PTPRN2: variants seen among roughly 807,000 people sequenced by gnomAD.
PTPRN2 encodes receptor-type tyrosine-protein phosphatase N2.
A neutral mutation model predicts 118.8 loss-of-function variants in PTPRN2; 74 were observed. The observed-to-expected ratio is 0.62, with a 90% CI of 0.52 to 0.76. PTPRN2 has a LOEUF of 0.76. Ranked by LOEUF, PTPRN2 falls within the 30% of genes least tolerant of loss-of-function variation. The pLI is 0.00. For missense variants in PTPRN2, 1,481 were observed against 1,394.4 expected, an observed-to-expected ratio of 1.06 and a Z score of -0.99; for synonymous variants, 641 against 608.0, an observed-to-expected ratio of 1.05 and a Z score of -0.80.
At chr7:158,250,343 GGTTA>G (rs1483652285) in intron 3 of PTPRN2, among the ~76,000 whole-genome samples, 4 of 152,024 alleles carry the variant, frequency 2.6e-5, no homozygotes, top group African/African-American at 4.8e-5. Flanking sequence ...AATGCATATA[GGTTA>G]TTTATTGTTA....
intron 12 of PTPRN2, among the ~76,000 whole-genome samples, chr7:157,814,421 C>T (rs975337548): frequency 1.3e-5 from 2 of 151,532 alleles, no homozygotes; most frequent in African/African-American, 4.9e-5. Context: ...AGAACTGGCG[C>T]TCGACATGGG....
rs139965431 is a variant in PTPRN2 at position 157,780,168 on chromosome 7, T to C, written c.1789-97231A>G. On this transcript the variant is annotated intron_variant, in intron 12 of 22. Transcript: ENST00000389418. The surrounding 1 kb of genome is among the most constrained non-coding windows in gnomAD (Gnocchi z 4.5). ...ATGATCCCACCACGTATCTCTACTA[T>C]TAAAGAATTAGCCTCTGGGCCGTGT... is the stretch of plus-strand genomic sequence containing the variant. Among the ~76,000 whole-genome samples the C allele has an allele frequency of 2.2e-3, 341 of 152,300 alleles. 1 individual carries two copies. Among genetic ancestry groups the C allele is most frequent in the African/African-American group, 7.7e-3 (319 of 41,562 alleles).
At chr7:158,189,844 C>T (rs1366197213) in intron 5 of PTPRN2, among the ~76,000 whole-genome samples, 1 of 152,186 alleles carries the variant, frequency 6.6e-6, no homozygotes, top group Non-Finnish European at 1.5e-5. Context: ...CACAGCGGGG[C>T]AGAGGAGGAG....
intron 11 of PTPRN2, among the ~76,000 whole-genome samples, chr7:158,012,544 GC>G (rs1418377478): frequency 6.6e-6 from 1 of 152,206 alleles, no homozygotes; most frequent in African/African-American, 2.4e-5. Context: ...ATGGGCAGTG[GC>G]CCTGGACTGC....
At position 157,758,631 on chromosome 7, in the gene PTPRN2, G is replaced by A. The variant is rs528405239; in HGVS notation, c.1789-75694C>T. On this transcript the variant is annotated intron_variant, in intron 12 of 22. Transcript: ENST00000389418. ...GGGTGGGCGGACGCAGGGGTCCCTG[G>A]AGGACGGGACTGGCATGTCTCCTGC... Among the ~76,000 whole-genome samples, 368 of 152,350 alleles carry A rather than the reference G, an allele frequency of 2.4e-3. 2 individuals carry two copies. Among genetic ancestry groups the A allele is most frequent in the African/African-American group, 8.7e-3 (361 of 41,590 alleles).
chr7:157,942,772 A>T lies in PTPRN2; in HGVS notation c.1724-44035T>A, dbSNP rs142493440. On this transcript the variant is annotated intron_variant, in intron 11 of 22. Transcript: ENST00000389418. ...TTCTAGGAAGGAGGGCTTGGTTATCAGTCATCCTCCTGCCATCTCTGATGA... is the reference window on the plus strand; with the variant it reads ...TTCTAGGAAGGAGGGCTTGGTTATCTGTCATCCTCCTGCCATCTCTGATGA... Among the ~76,000 whole-genome samples the T allele has an allele frequency of 4.4e-3, 668 of 152,264 alleles. 3 individuals are homozygous for T. The highest frequency in any genetic ancestry group is 0.016 in the African/African-American group (650 of 41,540).
At chr7:158,559,972 C>T (rs188508104) in intron 1 of PTPRN2, among the ~76,000 whole-genome samples, 2 of 152,338 alleles carry the variant, frequency 1.3e-5, no homozygotes, top group Non-Finnish European at 2.9e-5. Context: ...ATTTTCTCAC[C>T]TTCCCAAACT....
rs984637861 is a variant in PTPRN2, at chr7:157,785,749, C to G, written c.1789-102812G>C. On this transcript the variant is annotated intron_variant, in intron 12 of 22. Coordinates refer to ENST00000389418, the MANE Select transcript of PTPRN2 (RefSeq NM_002847.5). The surrounding 1 kb of genome is among the most constrained non-coding windows in gnomAD (Gnocchi z 7.3). Reference sequence around the variant, plus strand: ...GCATGGCGGGAGGGGAGAAGAATCGCGATCCTTTCCAGGTACACAGTCTAG... The same window carrying G: ...GCATGGCGGGAGGGGAGAAGAATCGGGATCCTTTCCAGGTACACAGTCTAG... Among the ~76,000 whole-genome samples, 1 of 152,152 alleles carries G rather than the reference C, an allele frequency of 6.6e-6. No individual in the cohort carries two copies. The highest frequency in any genetic ancestry group is 1.5e-5 in the Non-Finnish European group (1 of 68,014).
chr7:157,896,003 G>A (rs1176679105), intron 12 of PTPRN2, among the ~76,000 whole-genome samples: 1 of 152,076 alleles, frequency 6.6e-6, no homozygotes, highest in African/African-American at 2.4e-5. Flanking sequence ...GAGTGAAAGG[G>A]AGCACCAAGT....
At chr7:158,275,215 G>A (rs1294245686) in intron 3 of PTPRN2, among the ~76,000 whole-genome samples, 3 of 152,100 alleles carry the variant, frequency 2.0e-5, no homozygotes, top group African/African-American at 4.8e-5. Flanking sequence ...TGGGGACAGC[G>A]CCTCGGGGCC....
At chr7:158,201,060 T>C (rs1476460704) in intron 4 of PTPRN2, among the ~76,000 whole-genome samples, 1 of 151,508 alleles carries the variant, frequency 6.6e-6, no homozygotes, top group Non-Finnish European at 1.5e-5. Flanking sequence ...AAAAGTGGTT[T>C]TTTTTTTTTG....
intron 2 of PTPRN2, among the ~76,000 whole-genome samples, chr7:158,336,703 C>A (rs1480345028): frequency 2.3e-5 from 3 of 128,204 alleles, no homozygotes; most frequent in Middle Eastern, 4.2e-3. Context: ...AGACGTCACT[C>A]ACACCCACAC....
chr7:157,933,862 C>G (rs1161034892), intron 11 of PTPRN2, among the ~76,000 whole-genome samples: 1 of 148,334 alleles, frequency 6.7e-6, no homozygotes, highest in East Asian at 2.0e-4. Context: ...AAGGATGAGT[C>G]ACTCTGATTG....
intron 3 of PTPRN2, among the ~76,000 whole-genome samples, chr7:158,227,196 C>T (rs1052378701): frequency 1.3e-5 from 2 of 152,002 alleles, no homozygotes; most frequent in Non-Finnish European, 2.9e-5. Flanking sequence ...GGGATAGATC[C>T]TCCATCTGTT....
At chr7:158,523,248 C>A (rs1170612102) in intron 1 of PTPRN2, among the ~76,000 whole-genome samples, 1 of 152,198 alleles carries the variant, frequency 6.6e-6, no homozygotes, top group Non-Finnish European at 1.5e-5. Flanking sequence ...GTGGGTGAGC[C>A]TCAGCAGCCA....
At chr7:157,982,296 T>TC (rs200264980) in intron 11 of PTPRN2, among the ~76,000 whole-genome samples, 3 of 16,864 alleles carry the variant, frequency 1.8e-4, no homozygotes, top group African/African-American at 2.2e-4. Context: ...GAGTGCAGGG[T>TC]CCCCCCAAAC....
chr7:158,146,106 A>C (rs1262211192), intron 6 of PTPRN2, among the ~76,000 whole-genome samples: 2 of 152,122 alleles, frequency 1.3e-5, no homozygotes, highest in South Asian at 2.1e-4. Context: ...TTGGTTCTCC[A>C]TGAGAAGCTC....
In PTPRN2 at chr7:157,940,190, G is replaced by A. The variant is rs116026235; in HGVS notation, c.1724-41453C>T. Among the ~76,000 whole-genome samples, 938 of 152,242 alleles carry A rather than the reference G, an allele frequency of 6.2e-3. 14 individuals carry two copies. Among genetic ancestry groups the A allele is most frequent in the African/African-American group, 0.021 (892 of 41,516 alleles). ...AGTTCCCATCTAGTGGTCTGTCAGC[G>A]ATGGTGGTGTTCAGAACTTGGTTAT... On this transcript the variant is annotated intron_variant, in intron 11 of 22. Transcript: ENST00000389418.
chr7:158,341,236 C>A (rs1285447818), intron 2 of PTPRN2, among the ~76,000 whole-genome samples: 1 of 150,806 alleles, frequency 6.6e-6, no homozygotes, highest in African/African-American at 2.5e-5. Context: ...ACACTCTCAC[C>A]ATAATTGGTG....
Sources: allele counts gnomAD v4.1 joint callset (sites outside exome capture counted in the v4.1 genomes callset), GRCh38; gene constraint gnomAD v4.1.1; non-coding constraint Gnocchi (gnomAD v3.1); transcripts MANE v1.5; gene names NCBI Gene and HGNC (gene_info 2026-07-23, HGNC 2026-07-21).